CHST15: variants seen among roughly 807,000 people sequenced by gnomAD.
CHST15 encodes the protein carbohydrate sulfotransferase 15, also known as B cell RAG associated protein (GALNAC4S-6ST).
CHST15 carries 30 observed loss-of-function variants against 53.6 expected under a neutral mutation model. The observed-to-expected ratio is 0.56, with a 90% CI of 0.42 to 0.76. The LOEUF (loss-of-function observed/expected upper bound fraction) is 0.76, where lower values mean the gene tolerates loss of function less well. Ranked by LOEUF, CHST15 falls within the 30% of genes least tolerant of loss-of-function variation. CHST15 has a pLI of 0.00. For synonymous variants in CHST15, 296 were observed against 289.8 expected, an observed-to-expected ratio of 1.02 and a Z score of -0.22; for missense variants, 627 against 740.5, an observed-to-expected ratio of 0.85 and a Z score of 1.78.
intron 1 of CHST15, among the ~76,000 whole-genome samples, chr10:124,090,782 A>G (rs1949580453): frequency 6.6e-6 from 1 of 152,238 alleles, no homozygotes. Flanking sequence ...AGCTTTGATC[A>G]TCCAAGAAAA....
intron 6 of CHST15, among the ~76,000 whole-genome samples, chr10:124,018,709 G>A (rs7901504): frequency 0.25 from 38,557 of 152,132 alleles, 5,037 homozygotes; most frequent in Non-Finnish European, 0.27. Context: ...CCCATCAATA[G>A]TGATGGCAGT....
intron 1 of CHST15, among the ~76,000 whole-genome samples, chr10:124,069,472 G>A (rs1386173121): frequency 2.0e-5 from 3 of 152,160 alleles, no homozygotes; most frequent in African/African-American, 7.2e-5. Context: ...CGGGGAATTT[G>A]GGACGGGGAG....
intron 1 of CHST15, among the ~76,000 whole-genome samples, chr10:124,051,448 A>T (rs1280123422): frequency 6.6e-6 from 1 of 152,150 alleles, no homozygotes. Flanking sequence ...GTCATTCAGA[A>T]ACCTAACACT....
rs1564854292 is a variant in CHST15, at chr10:124,021,244, G to GCA, written c.1347+11_1347+12insTG. Reference sequence around the variant, plus strand: ...GGCCAGCTCGGGGGGTACGGGGGGGGGGGGTACACACAGGCATGGCGTTGT... The same window carrying GCA: ...GGCCAGCTCGGGGGGTACGGGGGGGGCAGGGGTACACACAGGCATGGCGTTGT... On this transcript the variant is annotated intron_variant, in intron 6 of 7. Transcript: ENST00000435907. 1.1e-5 allele frequency: 17 copies of GCA among 1,570,474 alleles called. No individual in the cohort carries two copies. Among genetic ancestry groups the GCA allele is most frequent in the Non-Finnish European group, 1.4e-5 (16 of 1,150,016 alleles).
chr10:124,033,266 A>C (rs1245613255), intron 5 of CHST15, among the ~76,000 whole-genome samples: 1 of 152,244 alleles, frequency 6.6e-6, no homozygotes, highest in Non-Finnish European at 1.5e-5. Flanking sequence ...TATTTTTATA[A>C]ATGTTTAAGA....
Position 124,047,135 on chromosome 10 carries a change from T to C in CHST15, c.-512-411A>G, listed in dbSNP as rs555922242. 6.4e-4 allele frequency among the ~76,000 whole-genome samples: 97 copies of C among 152,312 alleles called. 1 individual carries two copies. The highest frequency in any genetic ancestry group is 7.5e-4 in the Non-Finnish European group (51 of 68,018). On this transcript the variant is annotated intron_variant, in intron 1 of 7. Transcript: ENST00000435907. ...GGATGGATTGAAATATCAGTGCTTTTCAGTCAATGAAAAATCTCAAGAATA... is the reference window on the plus strand; with the variant it reads ...GGATGGATTGAAATATCAGTGCTTTCCAGTCAATGAAAAATCTCAAGAATA...
chr10:124,008,543 GGCCATCCTGGCGCTC>G lies in CHST15; in HGVS notation c.*1591_*1605del, dbSNP rs770896518. On this transcript the variant is annotated 3_prime_UTR_variant, in exon 8 of 8. Transcript: ENST00000435907. ...CTCCTTCAGTAGCAAAAACAGCCCT[GGCCATCCTGGCGCTC>G]AGAGCCCTCTGCACACCTTCGAACG... 7.1e-6 allele frequency: 7 copies of G among 991,826 alleles called. No homozygotes were observed. Among genetic ancestry groups the G allele is most frequent in the Non-Finnish European group, 8.4e-6 (7 of 833,428 alleles). The allele number at this position is 991,826 out of a possible 1,614,324, so 61.4% of individuals were successfully genotyped here.
intron 5 of CHST15, among the ~76,000 whole-genome samples, chr10:124,027,894 G>A (rs796116532): frequency 5.3e-5 from 8 of 152,330 alleles, no homozygotes; most frequent in African/African-American, 1.9e-4. Flanking sequence ...TCCGAGCTTA[G>A]GCAAGGAGAC....
chr10:124,054,376 A>G (rs375971831), intron 1 of CHST15, among the ~76,000 whole-genome samples: 1 of 152,260 alleles, frequency 6.6e-6, no homozygotes, highest in Non-Finnish European at 1.5e-5. Context: ...TAAGTTCGTC[A>G]TCAACATTGG....
intron 1 of CHST15, among the ~76,000 whole-genome samples, chr10:124,048,687 G>C (rs1045307312): frequency 2.0e-5 from 3 of 152,168 alleles, no homozygotes; most frequent in Non-Finnish European, 4.4e-5. Context: ...GCCAAGCCGG[G>C]GTTAAAAATG....
At chr10:124,090,957 C>T (rs1949585379) in intron 1 of CHST15, among the ~76,000 whole-genome samples, 1 of 152,220 alleles carries the variant, frequency 6.6e-6, no homozygotes, top group Non-Finnish European at 1.5e-5. Context: ...CTGCAGAGGG[C>T]TCCTGAGCTG....
At chr10:124,017,507 A>C (rs1946625379) in intron 6 of CHST15, among the ~76,000 whole-genome samples, 1 of 141,694 alleles carries the variant, frequency 7.1e-6, no homozygotes, top group Non-Finnish European at 1.6e-5. Context: ...CAAAAGGCAC[A>C]ATGTGGTAGA....
intron 7 of CHST15, chr10:124,011,550 G>A (rs1946417052): frequency 6.1e-6 from 6 of 985,476 alleles, no homozygotes; most frequent in Non-Finnish European, 7.2e-6. Context: ...GAGGCGTTCT[G>A]GGAAGGAGGG....
chr10:124,083,217 G>A (rs951422937), intron 1 of CHST15, among the ~76,000 whole-genome samples: 13 of 152,144 alleles, frequency 8.5e-5, no homozygotes, highest in African/African-American at 2.9e-4. Flanking sequence ...CGGCACTTCT[G>A]CGGCTTCCTA....
In CHST15 at chr10:124,044,908, G is replaced by A; in HGVS notation, c.558C>T (p.Val186=). Residue 186 remains valine, a synonymous_variant, in exon 3 of 8, where the codon GTC becomes GTT. Transcript: ENST00000435907. The part of the protein sequence containing the change: ...LKKQELHMFS[V]IPNKFLPNSK... ...TGTTTGGAAGGAATTTGTTGGGGAT[G>A]ACTGAAAACATCTGCAAGGAAACAG... 2 of 1,444,308 alleles carry A rather than the reference G, an allele frequency of 1.4e-6. No homozygotes were observed. Among genetic ancestry groups the A allele is most frequent in the Non-Finnish European group, 1.8e-6 (2 of 1,094,900 alleles). 89.5% of individuals were successfully genotyped at this position (1,444,308 alleles called of 1,614,324 possible). A position where few individuals can be genotyped will look rare whatever the true frequency, so the allele number is the denominator to read the frequency against.
chr10:124,090,682 T>C (rs1949576515), intron 1 of CHST15, among the ~76,000 whole-genome samples: 1 of 152,206 alleles, frequency 6.6e-6, no homozygotes, highest in African/African-American at 2.4e-5. Context: ...CAACCAGGGA[T>C]GACAAAGGTG....
At chr10:124,029,638 C>A (rs923413735) in intron 5 of CHST15, among the ~76,000 whole-genome samples, 1 of 152,224 alleles carries the variant, frequency 6.6e-6, no homozygotes, top group African/African-American at 2.4e-5. Flanking sequence ...TCACCAGTGA[C>A]TCTCATGGCA....
chr10:124,031,500 AACAT>A, intron 5 of CHST15, among the ~76,000 whole-genome samples: 1 of 152,298 alleles, frequency 6.6e-6, no homozygotes, highest in East Asian at 1.9e-4. Flanking sequence ...GAGCAGTTGT[AACAT>A]AAGAGTTAGA....
chr10:124,010,753 T>TC lies in CHST15; in HGVS notation c.1496-415dup, dbSNP rs1414276440. ...TTCCTGCTCAGCAGCCCTCTGGAAT[T>TC]CCGCCATCATCGTTTCTACTTCAGG... On this transcript the variant is annotated intron_variant, in intron 7 of 7. Transcript: ENST00000435907. 3.0e-6 allele frequency: 3 copies of TC among 985,284 alleles called. No individual in the cohort carries two copies. In the African/African-American group the frequency reaches 5.2e-5, roughly 17 times the overall value. The allele number at this position is 985,284 out of a possible 1,614,324, so 61.0% of individuals were successfully genotyped here.
Sources: allele counts gnomAD v4.1 joint callset (sites outside exome capture counted in the v4.1 genomes callset), GRCh38; gene constraint gnomAD v4.1.1; transcripts MANE v1.5; gene names NCBI Gene and HGNC (gene_info 2026-07-23, HGNC 2026-07-21).